The following ACP5 variants were observed in gnomAD, a reference collection of about 807,000 sequenced individuals.
ACP5 encodes the protein tartrate-resistant acid phosphatase type 5.
In ACP5, 24 loss-of-function variants were observed where a neutral mutation model predicts 28.7. The ratio of observed to expected loss-of-function variants is 0.84; its 90% confidence interval spans 0.61 to 1.18. The LOEUF is 1.18. Among genes scored for constraint, ACP5 ranks in the 50% most tolerant of loss-of-function variants. The pLI, the probability that ACP5 is intolerant of heterozygous loss-of-function variation, is 0.00. For missense variants in ACP5, 354 were observed against 422.2 expected (o/e 0.84, Z 1.42); for synonymous variants, 154 against 181.4 (o/e 0.85, Z 1.21).
rs1973208928 is a variant in ACP5, at chr19:11,577,329, G to C, written c.1-12C>G. On this transcript the variant is annotated splice_polypyrimidine_tract_variant and intron_variant, in intron 1 of 4. Transcript: ENST00000648477. The surrounding 1 kb of genome is among the most constrained non-coding windows in gnomAD (Gnocchi z 5.7). ...GTCCACATGTCCATCTGGGAGAAGAGAGACAAGCATAGGTGGCCCGGGCTG... is the reference window on the plus strand; with the variant it reads ...GTCCACATGTCCATCTGGGAGAAGACAGACAAGCATAGGTGGCCCGGGCTG... 5.0e-6 allele frequency: 8 copies of C among 1,613,260 alleles called. No individual in the cohort carries two copies. Among genetic ancestry groups the C allele is most frequent in the Non-Finnish European group, 6.8e-6 (8 of 1,179,582 alleles).
chr19:11,578,124 G>A (rs1973243046), upstream of ACP5: 1 of 153,036 alleles, frequency 6.5e-6, no homozygotes, highest in South Asian at 2.1e-4. Flanking sequence ...CATGTATGCT[G>A]AGCCTGCGAG....
rs781199182 is a variant in ACP5, at chr19:11,576,335, C to T, written c.643G>A (p.Gly215Arg). ...HYPVWSIAEH[G>R]PTHCLVKQLR... ...TGCTTGACCAGGCAGTGGGTAGGCCCGTGCTCGGCTATGGACCACACGGGG... is the reference window on the plus strand; with the variant it reads ...TGCTTGACCAGGCAGTGGGTAGGCCTGTGCTCGGCTATGGACCACACGGGG... Residue 215 changes from glycine to arginine, a missense_variant, in exon 4 of 5, where the codon GGG (glycine) becomes AGG (arginine). Physicochemically the swap from Gly to Arg is moderately radical, Grantham distance 125. Coordinates refer to ENST00000648477, the MANE Select transcript of ACP5 (RefSeq NM_001611.5). 4 of 1,611,300 alleles carry T rather than the reference C, an allele frequency of 2.5e-6. No individual in the cohort carries two copies. The highest frequency in any genetic ancestry group is 2.2e-5 in the East Asian group (1 of 44,830).
chr19:11,575,323 G>A (rs985931290), intron 4 of ACP5, 71 bp from the exon 5 acceptor site: 11 of 1,587,906 alleles, frequency 6.9e-6, no homozygotes, highest in African/African-American at 2.7e-5. Flanking sequence ...TCCAGGGCTC[G>A]ATCTGGCCCT....
Position 11,576,006 on chromosome 19 carries a change from C to CAAAAAAAAAAAAAA in ACP5, c.735+223_735+236dup, listed in dbSNP as rs3035420. Among the ~76,000 whole-genome samples, 13 of 52,880 alleles carry CAAAAAAAAAAAAAA rather than the reference C, an allele frequency of 2.5e-4. 1 individual carries two copies. Among genetic ancestry groups the CAAAAAAAAAAAAAA allele is most frequent in the African/African-American group, 5.8e-4 (7 of 12,066 alleles). 34.7% of individuals were successfully genotyped at this position (52,880 alleles called of 152,430 possible). A position where few individuals can be genotyped will look rare whatever the true frequency, so the allele number is the denominator to read the frequency against. On this transcript the variant is annotated intron_variant, in intron 4 of 4. Coordinates refer to ENST00000648477, the MANE Select transcript of ACP5 (RefSeq NM_001611.5). ...GTGAAAAACAATGAAACCTTGTCTC[C>CAAAAAAAAAAAAAA]AAAAAAAAAAAAAAAAAAGAGCTTA...
intron 4 of ACP5, 56 bp downstream of exon 4, chr19:11,576,187 C>A: frequency 6.8e-7 from 1 of 1,471,184 alleles, no homozygotes; most frequent in African/African-American, 1.4e-5. Context: ...ATGTGGACAT[C>A]AGCTGGGATG....
intron 4 of ACP5, 150 bp from the exon 5 acceptor site, chr19:11,575,402 A>C: frequency 3.2e-6 from 3 of 941,010 alleles, no homozygotes; most frequent in Non-Finnish European, 5.0e-6. Flanking sequence ...GGAGTGTATT[A>C]ATCCTATTTC....
intron 3 of ACP5, 33 bp downstream of exon 3, chr19:11,576,683 G>A: frequency 6.2e-7 from 1 of 1,613,312 alleles, no homozygotes; most frequent in Non-Finnish European, 8.5e-7. Flanking sequence ...TGCTATGTGA[G>A]GATCTCGGAA....
intron 4 of ACP5, among the ~76,000 whole-genome samples, chr19:11,575,776 G>A (rs1244632089): frequency 1.3e-5 from 2 of 151,010 alleles, no homozygotes; most frequent in African/African-American, 2.4e-5. Flanking sequence ...AGAATTGCTT[G>A]AACCCAGGAG....
upstream of ACP5, chr19:11,577,951 A>G (rs1973236962): frequency 5.8e-6 from 1 of 171,320 alleles, no homozygotes; most frequent in African/African-American, 2.4e-5. This position sits in a 1 kb window ranked among gnomAD's most constrained non-coding sequence, Gnocchi z 5.7. Context: ...GTGTGTGTGC[A>G]CACTTGAGAG....
At chr19:11,576,938 C>T (rs773553601) in intron 2 of ACP5, 95 bp from the exon 3 acceptor site, 22 of 1,609,446 alleles carry the variant, frequency 1.4e-5, no homozygotes, top group Admixed American at 3.3e-5. Flanking sequence ...TGAATGCTCC[C>T]GGCGCCCAAA....
chr19:11,576,056 G>A (rs1973133186), intron 4 of ACP5, among the ~76,000 whole-genome samples, 187 bp downstream of exon 4: 1 of 140,516 alleles, frequency 7.1e-6, no homozygotes, highest in African/African-American at 2.7e-5. Flanking sequence ...AAAGAAATTG[G>A]CAATTCGAAG....
Position 11,576,721 on chromosome 19 carries a change from C to T in ACP5, c.384G>A (p.Lys128=). The part of the protein sequence containing the change: ...SAQIAYSKIS[K]RWNFPSPFYR... The stretch of plus-strand genomic sequence containing the variant: ...CAGGGCTGAGGGTGGCTCACCAGCG[C>T]TTGGAGATCTTAGAGTATGCAATCT... Residue 128 remains lysine, a synonymous_variant, in exon 3 of 5, where the codon AAG becomes AAA. Coordinates refer to ENST00000648477, the MANE Select transcript of ACP5 (RefSeq NM_001611.5). 1 of 1,613,958 alleles carries T rather than the reference C, an allele frequency of 6.2e-7. No homozygotes were observed. Among genetic ancestry groups the T allele is most frequent in the South Asian group, 1.1e-5 (1 of 91,066 alleles).
Position 11,576,294 on chromosome 19 carries a change from C to T in ACP5, c.684G>A (p.Leu228=), listed in dbSNP as rs1306240407. The T allele has an allele frequency of 1.9e-6, 3 of 1,610,772 alleles. No individual in the cohort carries two copies. Among genetic ancestry groups the T allele is most frequent in the Non-Finnish European group, 2.5e-6 (3 of 1,179,974 alleles). Residue 228 remains leucine, a synonymous_variant, in exon 4 of 5, where the codon CTG becomes CTA. Coordinates refer to ENST00000648477, the MANE Select transcript of ACP5 (RefSeq NM_001611.5). ...HCLVKQLRPL[L]ATYGVTAYLC... is the part of the protein sequence containing the mutation. ...GGTAGGCAGTGACCCCGTATGTGGC[C>T]AGCAGTGGCCGTAGCTGCTTGACCA...
Position 11,576,262 on chromosome 19 carries a change from C to A in ACP5, c.716G>T (p.Gly239Val), listed in dbSNP as rs773070944. ...CCTCACCTGCAGATTGTGATCGTGG[C>A]CGCACAGGTAGGCAGTGACCCCGTA... Reference protein sequence around the residue: ...ATYGVTAYLCGHDHNLQYLQD... With the variant: ...ATYGVTAYLCVHDHNLQYLQD... Residue 239 changes from glycine to valine, a missense_variant, in exon 4 of 5, where the codon GGC becomes GTC. Coordinates refer to ENST00000648477, the MANE Select transcript of ACP5 (RefSeq NM_001611.5). The A allele has an allele frequency of 6.2e-7, 1 of 1,607,700 alleles. No homozygotes were observed. The highest frequency in any genetic ancestry group is 1.7e-5 in the Admixed American group (1 of 60,000).
Position 11,575,158 on chromosome 19 carries a change from C to G in ACP5, c.830G>C (p.Gly277Ala), listed in dbSNP as rs1479038387. Residue 277 changes from glycine to alanine, a missense_variant, in exon 5 of 5, where the codon GGC becomes GCC. Coordinates refer to ENST00000648477, the MANE Select transcript of ACP5 (RefSeq NM_001611.5). ...SKRHQRKVPNGYLRFHYGTED... is the reference protein window; with the variant it reads ...SKRHQRKVPNAYLRFHYGTED... ...AGTCCCATAGTGGAAGCGCAGATAG[C>G]CGTTGGGGACCTTGCGCTGGTGCCG... 6.2e-7 allele frequency: 1 copy of G among 1,614,186 alleles called. No individual in the cohort carries two copies. The highest frequency in any genetic ancestry group is 2.2e-5 in the East Asian group (1 of 44,884).
At position 11,577,307 on chromosome 19, in the gene ACP5, C is replaced by T; in HGVS notation, c.11G>A (p.Trp4Ter). The part of the protein sequence containing the change: MDM[W>*]TALLILQALL... ...GGCTTGCAGGATGAGCAGCGCCGTC[C>T]ACATGTCCATCTGGGAGAAGAGAGA... is the stretch of plus-strand genomic sequence containing the variant. Residue 4 changes from tryptophan to a stop codon, truncating the protein, a stop_gained, in exon 2 of 5, where the codon TGG (tryptophan) becomes TAG (stop). Coordinates refer to ENST00000648477, the MANE Select transcript of ACP5 (RefSeq NM_001611.5). LOFTEE classifies it high-confidence loss of function. This position sits in a 1 kb window ranked among gnomAD's most constrained non-coding sequence, Gnocchi z 5.7. 1 of 1,613,876 alleles carries T rather than the reference C, an allele frequency of 6.2e-7. No individual in the cohort carries two copies. The highest frequency in any genetic ancestry group is 1.1e-5 in the South Asian group (1 of 91,066).
rs387906670 is a variant in ACP5 at position 11,575,197 on chromosome 19, A to T, written c.791T>A (p.Met264Lys). 11 of 1,613,978 alleles carry T rather than the reference A, an allele frequency of 6.8e-6. No homozygotes were observed. The highest frequency in any genetic ancestry group is 3.3e-5 in the Admixed American group (2 of 59,988). ...GYVLSGAGNF[M>K]DPSKRHQRKV... Reference sequence around the variant, plus strand: ...GCGCTGGTGCCGCTTTGAGGGGTCCATGAAATTCCCAGCCCCACTCAGCAC... The same window carrying T: ...GCGCTGGTGCCGCTTTGAGGGGTCCTTGAAATTCCCAGCCCCACTCAGCAC... Residue 264 changes from methionine to lysine, a missense_variant, in exon 5 of 5, where the codon ATG becomes AAG. Coordinates refer to ENST00000648477, the MANE Select transcript of ACP5 (RefSeq NM_001611.5).
At position 11,576,771 on chromosome 19, in the gene ACP5, C is replaced by T. The variant is rs1252610234; in HGVS notation, c.334G>A (p.Asp112Asn). 6 of 1,613,998 alleles carry T rather than the reference C, an allele frequency of 3.7e-6. No homozygotes were observed. Among genetic ancestry groups the T allele is most frequent in the Admixed American group, 3.3e-5 (2 of 59,994 alleles). Residue 112 changes from aspartate (D) to asparagine (N), a missense_variant, in exon 3 of 5, where the codon GAC becomes AAC. By Grantham distance (23) the Asp-to-Asn change is conservative. Coordinates refer to ENST00000648477, the MANE Select transcript of ACP5 (RefSeq NM_001611.5). Reference sequence around the variant, plus strand: ...TGGGCAGAGACATTGCCAAGGTGGTCATGGTTTCCGGCTAGCACGTACCAG... The same window carrying T: ...TGGGCAGAGACATTGCCAAGGTGGTTATGGTTTCCGGCTAGCACGTACCAG... ...VPWYVLAGNH[D>N]HLGNVSAQIA...
chr19:11,576,544 T>A lies in ACP5; in HGVS notation c.434A>T (p.Gln145Leu), dbSNP rs776392911. 5.0e-6 allele frequency: 8 copies of A among 1,613,886 alleles called. No homozygotes were observed. The highest frequency in any genetic ancestry group is 1.1e-5 in the South Asian group (1 of 91,082). The change falls in exon 4 of 5, where the codon CAG (glutamine) becomes CTG (leucine). Residue 145 changes from glutamine (Q) to leucine (L), a missense_variant. Coordinates refer to ENST00000648477, the MANE Select transcript of ACP5 (RefSeq NM_001611.5). ...AAAAATGGCCACAGACACATTGGTC[T>A]GTGGGATCTTGAAGTGCAGGCGGTA... is the stretch of plus-strand genomic sequence containing the variant. Reference protein sequence around the residue: ...PFYRLHFKIPQTNVSVAIFML... With the variant: ...PFYRLHFKIPLTNVSVAIFML...
Sources: allele counts gnomAD v4.1 joint callset (sites outside exome capture counted in the v4.1 genomes callset), GRCh38; gene constraint gnomAD v4.1.1; non-coding constraint Gnocchi (gnomAD v3.1); transcripts MANE v1.5; gene names NCBI Gene and HGNC (gene_info 2026-07-23, HGNC 2026-07-21).